The following PEX5L variants were observed in gnomAD, a reference collection of about 807,000 sequenced individuals.
PEX5L encodes the protein peroxisomal biogenesis factor 5 like, also known as PEX5-related protein.
A neutral mutation model predicts 84.0 loss-of-function variants in PEX5L; 30 were observed. That is an observed-to-expected ratio of 0.36 (90% CI 0.27 to 0.48). The LOEUF (loss-of-function observed/expected upper bound fraction) is 0.48. Among genes scored for constraint, PEX5L ranks in the 20% least tolerant of loss-of-function variants. The pLI, the probability that PEX5L is intolerant of heterozygous loss-of-function variation, is 0.99. For synonymous variants in PEX5L, 270 were observed against 283.1 expected, an observed-to-expected ratio of 0.95 and a Z score of 0.46; for missense variants, 533 against 754.6, an observed-to-expected ratio of 0.71 and a Z score of 3.44.
intron 1 of PEX5L, among the ~76,000 whole-genome samples, chr3:179,999,900 A>G (rs1788236768): frequency 6.6e-6 from 1 of 152,196 alleles, no homozygotes; most frequent in South Asian, 2.1e-4. Context: ...ATGAAGGCAC[A>G]ATTACAACGC....
At chr3:179,929,835 G>A (rs1187213716) in intron 2 of PEX5L, among the ~76,000 whole-genome samples, 5 of 152,068 alleles carry the variant, frequency 3.3e-5, no homozygotes, top group African/African-American at 9.7e-5. Flanking sequence ...AATCTGTCCC[G>A]GTGACCTGCG....
chr3:179,991,777 TTC>T (rs1422852116), intron 1 of PEX5L, among the ~76,000 whole-genome samples: 2 of 152,214 alleles, frequency 1.3e-5, no homozygotes, highest in Admixed American at 6.5e-5. Context: ...ATACCATCCA[TTC>T]TCTTTCTCCC....
At chr3:180,016,139 T>C (rs1410925714) in intron 1 of PEX5L, among the ~76,000 whole-genome samples, 2 of 152,106 alleles carry the variant, frequency 1.3e-5, no homozygotes, top group African/African-American at 2.4e-5. Context: ...ATATCTTATC[T>C]TTCTGTTTTT....
At chr3:179,969,255 T>C (rs538478405) in intron 2 of PEX5L, among the ~76,000 whole-genome samples, 1 of 152,232 alleles carries the variant, frequency 6.6e-6, no homozygotes, top group African/African-American at 2.4e-5. Flanking sequence ...GAAGATTAAC[T>C]ATAACATATT....
At chr3:179,886,267 G>A (rs991290852) in intron 4 of PEX5L, among the ~76,000 whole-genome samples, 3 of 152,238 alleles carry the variant, frequency 2.0e-5, no homozygotes, top group South Asian at 2.1e-4. Flanking sequence ...CTTGTTTCAC[G>A]GATCAGAGGA....
At chr3:180,028,582 T>C (rs1230639745) in intron 1 of PEX5L, among the ~76,000 whole-genome samples, 1 of 152,228 alleles carries the variant, frequency 6.6e-6, no homozygotes, top group African/African-American at 2.4e-5. Context: ...AATAGAGAAT[T>C]ATGGTGTAAT....
intron 5 of PEX5L, 53 bp from the exon 6 acceptor site, chr3:179,875,530 G>T: frequency 2.0e-6 from 3 of 1,463,690 alleles, no homozygotes; most frequent in East Asian, 2.4e-5. Context: ...GCGGGGTAGG[G>T]GGAGCGGTGG....
intron 6 of PEX5L, among the ~76,000 whole-genome samples, chr3:179,874,738 G>GTTTTTTTTTTTTTTTTT (rs3836472): frequency 4.3e-4 from 20 of 45,994 alleles, no homozygotes; most frequent in East Asian, 9.3e-4. Context: ...TTTTTTTTTT[G>GTTTTTTTTTTTTTTTTT]TTTTTTTTTT....
Position 179,946,356 on chromosome 3 carries a change from C to G in PEX5L, c.93+25238G>C, listed in dbSNP as rs116427427. Among the ~76,000 whole-genome samples, 1,402 of 152,194 alleles carry G rather than the reference C, an allele frequency of 9.2e-3. 17 individuals are homozygous for G. The highest frequency in any genetic ancestry group is 0.032 in the African/African-American group (1,337 of 41,506). On this transcript the variant is annotated intron_variant, in intron 2 of 14. Coordinates refer to ENST00000467460, the MANE Select transcript of PEX5L (RefSeq NM_016559.3). ...TGTGAAGAATAAAGGAAATAAAGAG[C>G]CTAGAATAGTGCAGGACACAGGGCA... is the stretch of plus-strand genomic sequence containing the variant.
At chr3:180,015,832 T>C (rs1011893563) in intron 1 of PEX5L, among the ~76,000 whole-genome samples, 6 of 149,218 alleles carry the variant, frequency 4.0e-5, no homozygotes, top group Non-Finnish European at 8.9e-5. Flanking sequence ...TCTTGATACA[T>C]AGGAGGTACT....
intron 1 of PEX5L, among the ~76,000 whole-genome samples, chr3:180,027,530 GATT>G (rs1406525983): frequency 1.3e-5 from 2 of 151,862 alleles, no homozygotes; most frequent in Admixed American, 6.6e-5. Context: ...ATACACATAA[GATT>G]ATTAAATATA....
intron 2 of PEX5L, among the ~76,000 whole-genome samples, chr3:179,916,208 G>C (rs569176536): frequency 2.6e-5 from 4 of 152,240 alleles, no homozygotes; most frequent in African/African-American, 9.6e-5. Context: ...TAAACAATTT[G>C]ATTGTCGTGT....
chr3:179,939,654 G>A (rs1775524967), intron 2 of PEX5L, among the ~76,000 whole-genome samples: 2 of 152,128 alleles, frequency 1.3e-5, no homozygotes, highest in Admixed American at 1.3e-4. Context: ...AAAGTCAAAT[G>A]ATTTGCCAAT....
Position 179,943,945 on chromosome 3 carries a change from G to A in PEX5L, c.93+27649C>T, listed in dbSNP as rs535833171. ...TGGGTAACTCACACATTGAGGACAAGTGATGCCTACTCTCAATGGGGCTCT... is the reference window on the plus strand; with the variant it reads ...TGGGTAACTCACACATTGAGGACAAATGATGCCTACTCTCAATGGGGCTCT... On this transcript the variant is annotated intron_variant, in intron 2 of 14. Transcript: ENST00000467460. Among the ~76,000 whole-genome samples the A allele has an allele frequency of 4.1e-4, 63 of 152,164 alleles. 1 individual carries two copies. The highest frequency in any genetic ancestry group is 4.0e-3 in the Admixed American group (61 of 15,292).
At chr3:179,943,387 T>C (rs2109835501) in intron 2 of PEX5L, among the ~76,000 whole-genome samples, 1 of 152,340 alleles carries the variant, frequency 6.6e-6, no homozygotes, top group East Asian at 1.9e-4. Context: ...CTTCCTCATT[T>C]CCTAAAATGA....
At chr3:179,830,590 C>A (rs1732474899) in intron 8 of PEX5L, among the ~76,000 whole-genome samples, 1 of 152,104 alleles carries the variant, frequency 6.6e-6, no homozygotes, top group Non-Finnish European at 1.5e-5. Context: ...TCTGTTATAC[C>A]CACCAATGCC....
intron 13 of PEX5L, among the ~76,000 whole-genome samples, 157 bp downstream of exon 13, chr3:179,808,115 A>G (rs1056005828): frequency 1.3e-5 from 2 of 152,226 alleles, no homozygotes; most frequent in African/African-American, 4.8e-5. Flanking sequence ...GTATTTCAAT[A>G]TTAACAGCCA....
At chr3:179,961,393 C>T (rs1274779103) in intron 2 of PEX5L, among the ~76,000 whole-genome samples, 4 of 151,522 alleles carry the variant, frequency 2.6e-5, no homozygotes, top group Admixed American at 6.6e-5. Flanking sequence ...GCAAGAACTG[C>T]ATTTCTGTCA....
intron 3 of PEX5L, among the ~76,000 whole-genome samples, chr3:179,897,584 G>A (rs1323641494): frequency 6.6e-6 from 1 of 152,002 alleles, no homozygotes; most frequent in Non-Finnish European, 1.5e-5. Flanking sequence ...TATAAGAGGG[G>A]TCACAAATGC....
Sources: gnomAD v4.1 joint callset for allele counts (sites outside exome capture counted in the v4.1 genomes callset) on GRCh38, gnomAD v4.1.1 for gene constraint, MANE v1.5 for transcripts, NCBI Gene and HGNC (gene_info 2026-07-23, HGNC 2026-07-21) for gene names.